Variants in ROBO1 observed in about 807,000 individuals in gnomAD.
ROBO1 encodes the protein roundabout homolog 1.
Under a neutral mutation model 195.9 loss-of-function variants are expected in ROBO1, and 149 were observed. That is an observed-to-expected ratio of 0.76 (90% CI 0.67 to 0.87). The LOEUF is 0.87. ROBO1 is among the 40% of genes least tolerant of loss of function. ROBO1 has a pLI of 0.00. For synonymous variants in ROBO1, 816 were observed against 733.2 expected, an observed-to-expected ratio of 1.11 and a Z score of -1.82; for missense variants, 1,933 against 2,068.3, an observed-to-expected ratio of 0.93 and a Z score of 1.27.
At chr3:78,707,976 C>T (rs1041180355) in intron 8 of ROBO1, among the ~76,000 whole-genome samples, 8 of 152,108 alleles carry the variant, frequency 5.3e-5, no homozygotes, top group Non-Finnish European at 1.5e-5. Context: ...GTTTTCAGGC[C>T]GTTCTTGGTT....
intron 4 of ROBO1, among the ~76,000 whole-genome samples, chr3:78,913,096 T>C (rs1305692382): frequency 1.3e-5 from 2 of 152,184 alleles, no homozygotes; most frequent in African/African-American, 4.8e-5. Context: ...ATTATATCAG[T>C]TCTTTGACTA....
At chr3:78,939,538 A>G (rs2040016778) in intron 3 of ROBO1, among the ~76,000 whole-genome samples, 1 of 151,508 alleles carries the variant, frequency 6.6e-6, no homozygotes, top group Non-Finnish European at 1.5e-5. Flanking sequence ...GAATGGCGTG[A>G]ACCCGGGAGG....
chr3:78,848,145 A>C (rs1264108282), intron 4 of ROBO1, among the ~76,000 whole-genome samples: 1 of 152,184 alleles, frequency 6.6e-6, no homozygotes, highest in Non-Finnish European at 1.5e-5. Flanking sequence ...AACCAAGGAA[A>C]TATGTTAGTT....
chr3:79,435,363 G>A (rs1237627582), intron 2 of ROBO1, among the ~76,000 whole-genome samples: 1 of 152,128 alleles, frequency 6.6e-6, no homozygotes, highest in Non-Finnish European at 1.5e-5. Flanking sequence ...TGGGATTACA[G>A]GTGCAAGCCA....
intron 3 of ROBO1, among the ~76,000 whole-genome samples, chr3:79,105,612 G>C (rs1245401071): frequency 6.6e-6 from 1 of 151,670 alleles, no homozygotes; most frequent in African/African-American, 2.4e-5. Flanking sequence ...TAGTAATAGA[G>C]AAAGGAAGCA....
intron 21 of ROBO1, among the ~76,000 whole-genome samples, chr3:78,640,650 A>G (rs184805080): frequency 7.0e-4 from 106 of 152,320 alleles, no homozygotes; most frequent in Non-Finnish European, 1.2e-3. Context: ...TGGGAATGCC[A>G]AGTACATCAG....
At chr3:79,552,153 G>A (rs539818750) in intron 2 of ROBO1, among the ~76,000 whole-genome samples, 1 of 151,780 alleles carries the variant, frequency 6.6e-6, no homozygotes, top group East Asian at 1.9e-4. Flanking sequence ...TACCCAAAAC[G>A]TGTTCTGCAG....
chr3:79,503,796 C>G (rs1054726102), intron 2 of ROBO1, among the ~76,000 whole-genome samples: 7 of 152,120 alleles, frequency 4.6e-5, no homozygotes, highest in African/African-American at 1.7e-4. Context: ...TGGCTATTGT[C>G]TGGATTTGTC....
chr3:79,543,374 T>C (rs1942147933), intron 2 of ROBO1, among the ~76,000 whole-genome samples: 1 of 152,046 alleles, frequency 6.6e-6, no homozygotes, highest in Non-Finnish European at 1.5e-5. Context: ...TCCTTTCAAG[T>C]TGATTTGTGT....
chr3:78,801,005 A>G (rs932738160), intron 4 of ROBO1, among the ~76,000 whole-genome samples: 3 of 152,190 alleles, frequency 2.0e-5, no homozygotes, highest in African/African-American at 7.2e-5. Context: ...ATTCCACACC[A>G]CTTCAGGTGG....
At chr3:79,751,684 G>A (rs1411009861) in intron 1 of ROBO1, among the ~76,000 whole-genome samples, 1 of 152,160 alleles carries the variant, frequency 6.6e-6, no homozygotes, top group Non-Finnish European at 1.5e-5. Flanking sequence ...GTATTTCAAT[G>A]TATCTTGCAA....
At chr3:78,767,374 T>C (rs1278411330) in intron 4 of ROBO1, among the ~76,000 whole-genome samples, 1 of 152,124 alleles carries the variant, frequency 6.6e-6, no homozygotes, top group African/African-American at 2.4e-5. Flanking sequence ...CAAGCGATTC[T>C]CCTGCCTCAA....
At chr3:79,395,225 G>A (rs1217013836) in intron 2 of ROBO1, among the ~76,000 whole-genome samples, 1 of 151,010 alleles carries the variant, frequency 6.6e-6, no homozygotes, top group Non-Finnish European at 1.5e-5. Context: ...AGGAAGCTGA[G>A]GCAGGAGAAT....
chr3:78,750,281 G>A (rs761272386), intron 4 of ROBO1, among the ~76,000 whole-genome samples: 4 of 151,560 alleles, frequency 2.6e-5, no homozygotes, highest in Admixed American at 6.6e-5. Context: ...GTGAAACCCC[G>A]TTTCTACTAA....
At chr3:78,639,950 T>C in intron 21 of ROBO1, 52 bp from the exon 22 acceptor site, 1 of 1,358,218 alleles carries the variant, frequency 7.4e-7, no homozygotes, top group Non-Finnish European at 9.9e-7. Flanking sequence ...GAGAGTAATA[T>C]TTTCTATTTA....
At chr3:79,735,702 C>T (rs1703348544) in intron 1 of ROBO1, among the ~76,000 whole-genome samples, 1 of 152,038 alleles carries the variant, frequency 6.6e-6, no homozygotes, top group Non-Finnish European at 1.5e-5. Flanking sequence ...AACCCCGTCT[C>T]TACTAAAAAT....
intron 2 of ROBO1, among the ~76,000 whole-genome samples, chr3:79,587,538 T>C (rs1395547985): frequency 6.6e-6 from 1 of 151,764 alleles, no homozygotes; most frequent in Non-Finnish European, 1.5e-5. Flanking sequence ...TATCTGATTG[T>C]TTATTATTAG....
At chr3:79,694,453 G>A (rs896229653) in intron 1 of ROBO1, among the ~76,000 whole-genome samples, 1 of 151,704 alleles carries the variant, frequency 6.6e-6, no homozygotes, top group Non-Finnish European at 1.5e-5. Context: ...CCAACTCTGG[G>A]CTATCTCCAC....
intron 2 of ROBO1, among the ~76,000 whole-genome samples, chr3:79,141,012 C>T (rs2080513309): frequency 6.6e-6 from 1 of 152,136 alleles, no homozygotes; most frequent in Non-Finnish European, 1.5e-5. Context: ...AAAAATAAAA[C>T]ACAGTTGATA....
Sources: gnomAD v4.1 joint callset for allele counts (sites outside exome capture counted in the v4.1 genomes callset) on GRCh38, gnomAD v4.1.1 for gene constraint, MANE v1.5 for transcripts, NCBI Gene and HGNC (gene_info 2026-07-23, HGNC 2026-07-21) for gene names.